The following SPAG9 variants were observed in gnomAD, a reference collection of about 807,000 sequenced individuals.
SPAG9 encodes C-Jun-amino-terminal kinase-interacting protein 4.
Under a neutral mutation model 166.5 loss-of-function variants are expected in SPAG9, and 35 were observed. The ratio of observed to expected loss-of-function variants is 0.21; its 90% confidence interval spans 0.16 to 0.28. SPAG9 has a LOEUF of 0.28. Among genes scored for constraint, SPAG9 ranks in the 10% least tolerant of loss-of-function variants. The pLI, the probability that SPAG9 is intolerant of heterozygous loss-of-function variation, is 1.00. For synonymous variants in SPAG9, 534 were observed against 565.5 expected, an observed-to-expected ratio of 0.94 and a Z score of 0.79; for missense variants, 1,235 against 1,603.3, an observed-to-expected ratio of 0.77 and a Z score of 3.92.
At position 51,094,148 on chromosome 17, in the gene SPAG9, C is replaced by T. The variant is rs547069611; in HGVS notation, c.304-14444G>A. Among the ~76,000 whole-genome samples, 5 of 152,310 alleles carry T rather than the reference C, an allele frequency of 3.3e-5. No homozygotes were observed. In the East Asian group the frequency reaches 9.6e-4, roughly 29 times the overall value. ...CTTCTCTGGAAAAACTCAAGTGTCTCTACGAAAGGACCATGGGATATTGAA... is the reference window on the plus strand; with the variant it reads ...CTTCTCTGGAAAAACTCAAGTGTCTTTACGAAAGGACCATGGGATATTGAA... On this transcript the variant is annotated intron_variant, in intron 1 of 29. Transcript: ENST00000262013.
intron 6 of SPAG9, among the ~76,000 whole-genome samples, chr17:51,024,894 C>T (rs1023938104): frequency 6.8e-6 from 1 of 147,780 alleles, no homozygotes; most frequent in South Asian, 2.1e-4. Flanking sequence ...ATTAAATGTT[C>T]TTACCACAAT....
At chr17:51,003,886 A>C (rs1296975627) in intron 12 of SPAG9, among the ~76,000 whole-genome samples, 1 of 152,224 alleles carries the variant, frequency 6.6e-6, no homozygotes, top group Non-Finnish European at 1.5e-5. Flanking sequence ...CCACCTGGAG[A>C]CTTCTACTGT....
intron 15 of SPAG9, among the ~76,000 whole-genome samples, chr17:50,997,812 A>G (rs1273033548): frequency 1.3e-5 from 2 of 152,224 alleles, no homozygotes; most frequent in Admixed American, 6.5e-5. Context: ...TCTGACACCA[A>G]CAGAAATGTT....
intron 1 of SPAG9, among the ~76,000 whole-genome samples, chr17:51,108,261 C>CGT (rs1266166060): frequency 1.3e-5 from 2 of 151,558 alleles, no homozygotes; most frequent in East Asian, 3.9e-4. Context: ...GTGGCAGGCA[C>CGT]CTGTAGTCCC....
At chr17:51,117,708 C>CAA (rs397856959) in intron 1 of SPAG9, among the ~76,000 whole-genome samples, 1,887 of 41,308 alleles carry the variant, frequency 0.046, 193 homozygotes, top group African/African-American at 0.18. Flanking sequence ...GACTCCGTCT[C>CAA]AAAAAAAAAA....
intron 4 of SPAG9, among the ~76,000 whole-genome samples, chr17:51,045,263 T>A (rs1244972576): frequency 1.3e-5 from 2 of 152,122 alleles, no homozygotes; most frequent in Non-Finnish European, 2.9e-5. Context: ...ACCCAAGACA[T>A]CCCCTTAACA....
chr17:51,051,074 A>G (rs1598087956), intron 3 of SPAG9, among the ~76,000 whole-genome samples: 1 of 144,314 alleles, frequency 6.9e-6, no homozygotes. Flanking sequence ...GGAGGGAGGG[A>G]GGGAAAAGAA....
intron 12 of SPAG9, among the ~76,000 whole-genome samples, chr17:51,003,397 C>T (rs1001743095): frequency 6.6e-6 from 1 of 152,142 alleles, no homozygotes; most frequent in African/African-American, 2.4e-5. Flanking sequence ...CTGTAACAAT[C>T]GTCACTCAGA....
intron 26 of SPAG9, among the ~76,000 whole-genome samples, chr17:50,977,457 T>C (rs1034023862): frequency 1.3e-5 from 2 of 152,008 alleles, no homozygotes; most frequent in African/African-American, 4.8e-5. Flanking sequence ...TCAGGGTTAA[T>C]GGAAAAAGAA....
chr17:50,979,243 G>T (rs1974410175), intron 26 of SPAG9, among the ~76,000 whole-genome samples: 1 of 151,066 alleles, frequency 6.6e-6, no homozygotes, highest in Non-Finnish European at 1.5e-5. Flanking sequence ...CAACATGATA[G>T]TGCAGGCCTG....
chr17:51,093,067 T>C (rs1045133063), intron 1 of SPAG9, among the ~76,000 whole-genome samples: 75 of 145,256 alleles, frequency 5.2e-4, no homozygotes, highest in African/African-American at 1.8e-3. Context: ...TAGATATTTC[T>C]GTAAAAAAAA....
chr17:50,965,404 C>T lies in SPAG9; in HGVS notation c.*868G>A, dbSNP rs1328464007. ...AAGTACATTTTTTACATGGAAAAAA[C>T]TCAATCAACATCACCATTCTCTGGT... is the stretch of plus-strand genomic sequence containing the variant. On this transcript the variant is annotated 3_prime_UTR_variant, in exon 30 of 30. Coordinates refer to ENST00000262013, the MANE Select transcript of SPAG9 (RefSeq NM_001130528.3). The T allele has an allele frequency of 6.6e-6, 1 of 152,132 alleles. No homozygotes were observed. The highest frequency in any genetic ancestry group is 1.5e-5 in the Non-Finnish European group (1 of 68,010). The allele number at this position is 152,132 out of a possible 1,614,324, so 9.4% of individuals were successfully genotyped here.
rs747704606 is a variant in SPAG9, at chr17:51,120,665, G to GCGGA, written c.-13_-10dup. 7.7e-6 allele frequency: 12 copies of GCGGA among 1,568,408 alleles called. No individual in the cohort carries two copies. The East Asian group carries it at 2.6e-4, about 34-fold the overall frequency. On this transcript the variant is annotated 5_prime_UTR_variant, in exon 1 of 30. Coordinates refer to ENST00000262013, the MANE Select transcript of SPAG9 (RefSeq NM_001130528.3). The surrounding 1 kb of genome is among the most constrained non-coding windows in gnomAD (Gnocchi z 4.7). Reference sequence around the variant, plus strand: ...CCGTCCTCCAGCTCCATGGTGGCAAGCGGACGGGCGGGCGGCCCGGGGCGT... The same window carrying GCGGA: ...CCGTCCTCCAGCTCCATGGTGGCAAGCGGACGGACGGGCGGGCGGCCCGGGGCGT...
chr17:51,043,695 G>A (rs2046923888), intron 4 of SPAG9, among the ~76,000 whole-genome samples: 1 of 152,130 alleles, frequency 6.6e-6, no homozygotes, highest in Non-Finnish European at 1.5e-5. Context: ...TAAGCAAAAG[G>A]TGACTGGGAA....
rs1305836488 is a variant in SPAG9, at chr17:51,053,854, AGTAT to A, written c.495+2554_495+2557del. 9.1e-3 allele frequency among the ~76,000 whole-genome samples: 313 copies of A among 34,432 alleles called. 7 individuals carry two copies. Among genetic ancestry groups the A allele is most frequent in the African/African-American group, 0.029 (181 of 6,230 alleles). The allele number at this position is 34,432 out of a possible 152,430, so 22.6% of individuals were successfully genotyped here. A position where few individuals can be genotyped will look rare whatever the true frequency, so the allele number is the denominator to read the frequency against. Reference sequence around the variant, plus strand: ...CCCTAATTAAAAAAAAAAAAAAAAAAGTATATATATATATATATATATATATATA... The same window carrying A: ...CCCTAATTAAAAAAAAAAAAAAAAAAATATATATATATATATATATATATA... On this transcript the variant is annotated intron_variant, in intron 3 of 29. Transcript: ENST00000262013.
intron 6 of SPAG9, among the ~76,000 whole-genome samples, chr17:51,029,292 C>T (rs562708018): frequency 1.6e-4 from 25 of 152,228 alleles, no homozygotes; most frequent in African/African-American, 6.0e-4. Flanking sequence ...CATCACCTGG[C>T]CCCCATCAGG....
At chr17:50,985,833 A>G (rs1393620640) in intron 22 of SPAG9, 55 bp from the exon 23 acceptor site, 2 of 966,952 alleles carry the variant, frequency 2.1e-6, no homozygotes, top group African/African-American at 3.3e-5. Context: ...GACATTGCAT[A>G]TATCTAACAA....
intron 2 of SPAG9, among the ~76,000 whole-genome samples, chr17:51,069,277 G>A (rs907562640): frequency 6.6e-6 from 1 of 151,866 alleles, no homozygotes; most frequent in African/African-American, 2.4e-5. Flanking sequence ...AGAAGGAATT[G>A]CCTATTGACA....
Position 51,031,733 on chromosome 17 carries a change from G to A in SPAG9, c.742-11C>T. ...AGGACTATTGCTGACCTAGGAAGAGGGAAGATTATAAAAGAGAAAAAAATT... is the reference window on the plus strand; with the variant it reads ...AGGACTATTGCTGACCTAGGAAGAGAGAAGATTATAAAAGAGAAAAAAATT... On this transcript the variant is annotated splice_polypyrimidine_tract_variant and intron_variant, in intron 5 of 29. Coordinates refer to ENST00000262013, the MANE Select transcript of SPAG9 (RefSeq NM_001130528.3). The A allele has an allele frequency of 6.5e-7, 1 of 1,548,616 alleles. No homozygotes were observed. The highest frequency in any genetic ancestry group is 8.7e-7 in the Non-Finnish European group (1 of 1,144,582).
Sources: gnomAD v4.1 joint callset for allele counts (sites outside exome capture counted in the v4.1 genomes callset) on GRCh38, gnomAD v4.1.1 for gene constraint, Gnocchi (gnomAD v3.1) non-coding constraint, MANE v1.5 for transcripts, NCBI Gene and HGNC (gene_info 2026-07-23, HGNC 2026-07-21) for gene names.